ST8SIA6: variants seen among roughly 807,000 people sequenced by gnomAD.
The protein encoded by ST8SIA6 is alpha-2,8-sialyltransferase 8F.
ST8SIA6 carries 39 observed loss-of-function variants against 33.6 expected under a neutral mutation model. The ratio of observed to expected loss-of-function variants is 1.16; its 90% CI spans 0.90 to 1.52. The LOEUF (loss-of-function observed/expected upper bound fraction) is 1.52. Ranked by LOEUF, ST8SIA6 falls within the 40% of genes most tolerant of loss-of-function variation. The pLI is 0.00. For synonymous variants in ST8SIA6, 172 were observed against 167.2 expected, an observed-to-expected ratio of 1.03 and a Z score of -0.22; for missense variants, 441 against 443.8, an observed-to-expected ratio of 0.99 and a Z score of 0.06.
At chr10:17,393,547 C>T (rs1168225243) in intron 2 of ST8SIA6, among the ~76,000 whole-genome samples, 2 of 152,276 alleles carry the variant, frequency 1.3e-5, no homozygotes, top group Non-Finnish European at 2.9e-5. Context: ...ACATGCCCCA[C>T]CTGATTGCAA....
At chr10:17,360,911 A>G (rs1268917212) in intron 3 of ST8SIA6, among the ~76,000 whole-genome samples, 1 of 98,768 alleles carries the variant, frequency 1.0e-5, no homozygotes, top group African/African-American at 4.2e-5. Flanking sequence ...GAAGAAGAAG[A>G]GGAAGAAGGG....
chr10:17,421,336 T>C (rs532709818), intron 2 of ST8SIA6, among the ~76,000 whole-genome samples: 28 of 152,292 alleles, frequency 1.8e-4, no homozygotes, highest in Non-Finnish European at 3.5e-4. Context: ...CTGAGAGCAC[T>C]TCCTAATAAG....
chr10:17,334,939 G>C (rs1362611379), intron 4 of ST8SIA6, among the ~76,000 whole-genome samples: 1 of 152,136 alleles, frequency 6.6e-6, no homozygotes, highest in Non-Finnish European at 1.5e-5. Flanking sequence ...AATTGTTCCA[G>C]GGTTTAATCA....
At chr10:17,417,003 G>A (rs956632070) in intron 2 of ST8SIA6, among the ~76,000 whole-genome samples, 3 of 152,150 alleles carry the variant, frequency 2.0e-5, no homozygotes, top group African/African-American at 7.2e-5. Flanking sequence ...AGACTGGGTA[G>A]TTCATCAGGA....
At chr10:17,367,380 G>T (rs979799807) in intron 3 of ST8SIA6, among the ~76,000 whole-genome samples, 6 of 152,084 alleles carry the variant, frequency 3.9e-5, no homozygotes, top group African/African-American at 1.4e-4. Context: ...ACTGTCATGA[G>T]AACAGCACGA....
intron 2 of ST8SIA6, among the ~76,000 whole-genome samples, chr10:17,426,649 A>T (rs1164629760): frequency 1.3e-5 from 2 of 152,186 alleles, no homozygotes; most frequent in Non-Finnish European, 2.9e-5. Flanking sequence ...ACTTGCAAGC[A>T]CTTTCGTTGT....
intron 4 of ST8SIA6, among the ~76,000 whole-genome samples, chr10:17,334,876 A>G (rs1848455725): frequency 6.6e-6 from 1 of 152,192 alleles, no homozygotes; most frequent in Admixed American, 6.5e-5. Context: ...CTTAGAATTC[A>G]TATTTCATTT....
chr10:17,399,975 G>A (rs1169284587), intron 2 of ST8SIA6, among the ~76,000 whole-genome samples: 1 of 151,684 alleles, frequency 6.6e-6, no homozygotes, highest in Non-Finnish European at 1.5e-5. Context: ...ATGAACATGT[G>A]TGAAAGCTTT....
chr10:17,387,526 C>CA (rs1403724968), intron 3 of ST8SIA6, among the ~76,000 whole-genome samples: 31 of 151,800 alleles, frequency 2.0e-4, no homozygotes, highest in Non-Finnish European at 4.4e-4. Flanking sequence ...CTCAGCCTCC[C>CA]AAAGTGCTAG....
intron 4 of ST8SIA6, among the ~76,000 whole-genome samples, chr10:17,342,075 G>C (rs1359918167): frequency 6.6e-6 from 1 of 152,128 alleles, no homozygotes; most frequent in Non-Finnish European, 1.5e-5. Flanking sequence ...AAGCCACCCT[G>C]TCTATGCCAT....
At chr10:17,355,302 T>C (rs993930472) in intron 4 of ST8SIA6, among the ~76,000 whole-genome samples, 4 of 152,228 alleles carry the variant, frequency 2.6e-5, no homozygotes, top group Admixed American at 2.6e-4. Flanking sequence ...GAAATCTTTC[T>C]GTCAGTAGCA....
chr10:17,389,708 A>G (rs1850514695), intron 3 of ST8SIA6, among the ~76,000 whole-genome samples: 2 of 152,154 alleles, frequency 1.3e-5, no homozygotes, highest in Admixed American at 1.3e-4. Flanking sequence ...TTGTAAGCAC[A>G]ATTTTGTACA....
At chr10:17,426,828 G>A (rs1042054268) in intron 2 of ST8SIA6, among the ~76,000 whole-genome samples, 47 of 152,158 alleles carry the variant, frequency 3.1e-4, no homozygotes, top group Non-Finnish European at 4.8e-4. Flanking sequence ...GGGGCCAGGC[G>A]CAGTGGCTCA....
rs1042273044 is a variant in ST8SIA6 at position 17,318,943 on chromosome 10, A to G, written c.*1935T>C. 6.6e-6 allele frequency among the ~76,000 whole-genome samples: 1 copy of G among 152,170 alleles called. No homozygotes were observed. Among genetic ancestry groups the G allele is most frequent in the Admixed American group, 6.6e-5 (1 of 15,264 alleles). On this transcript the variant is annotated 3_prime_UTR_variant, in exon 8 of 8. Coordinates refer to ENST00000377602, the MANE Select transcript of ST8SIA6 (RefSeq NM_001004470.3). ...TGGAAGGTGGGATATATGCCCTACCAGGAAGAAAATGTTAGGATTCAATGA... is the reference window on the plus strand; with the variant it reads ...TGGAAGGTGGGATATATGCCCTACCGGGAAGAAAATGTTAGGATTCAATGA...
intron 5 of ST8SIA6, among the ~76,000 whole-genome samples, chr10:17,329,104 G>A (rs986524706): frequency 6.6e-6 from 1 of 152,208 alleles, no homozygotes; most frequent in Non-Finnish European, 1.5e-5. Flanking sequence ...TCTGGGAGCT[G>A]CCCAACTAGC....
intron 2 of ST8SIA6, among the ~76,000 whole-genome samples, chr10:17,414,884 T>G (rs1851556094): frequency 6.6e-6 from 1 of 152,182 alleles, no homozygotes. Context: ...GCCTGTGTTT[T>G]TCATCTTACC....
At chr10:17,449,311 G>A (rs75910708) in intron 2 of ST8SIA6, among the ~76,000 whole-genome samples, 2 of 151,964 alleles carry the variant, frequency 1.3e-5, no homozygotes, top group African/African-American at 4.8e-5. Flanking sequence ...TCCAAGAGCT[G>A]GTTATTTAAA....
rs1848007064 is a variant in ST8SIA6 at position 17,323,049 on chromosome 10, A to T, written c.728+16T>A. Reference sequence around the variant, plus strand: ...AAAAGTGTTCCTGATCAGTTATGTAACTTGCAGCTACTTACTTCAGAGTTA... The same window carrying T: ...AAAAGTGTTCCTGATCAGTTATGTATCTTGCAGCTACTTACTTCAGAGTTA... On this transcript the variant is annotated intron_variant, in intron 7 of 7. Coordinates refer to ENST00000377602, the MANE Select transcript of ST8SIA6 (RefSeq NM_001004470.3). 1 of 1,602,682 alleles carries T rather than the reference A, an allele frequency of 6.2e-7. No individual in the cohort carries two copies.
intron 3 of ST8SIA6, among the ~76,000 whole-genome samples, chr10:17,366,056 C>G (rs1252473009): frequency 6.6e-6 from 1 of 152,090 alleles, no homozygotes; most frequent in Non-Finnish European, 1.5e-5. Context: ...CAATCATTTC[C>G]ACTGGGTAAT....
Sources: gnomAD v4.1 joint callset for allele counts (sites outside exome capture counted in the v4.1 genomes callset) on GRCh38, gnomAD v4.1.1 for gene constraint, MANE v1.5 for transcripts, NCBI Gene and HGNC (gene_info 2026-07-23, HGNC 2026-07-21) for gene names.